ADGRL3: variants seen among roughly 807,000 people sequenced by gnomAD.
ADGRL3 encodes adhesion G protein-coupled receptor L3.
In ADGRL3, 62 loss-of-function variants were observed where a neutral mutation model predicts 153.5. The observed-to-expected ratio is 0.40, with a 90% CI of 0.33 to 0.50. The LOEUF (loss-of-function observed/expected upper bound fraction) is 0.50, where lower values mean the gene tolerates loss of function less well. Among genes scored for constraint, ADGRL3 ranks in the 20% least tolerant of loss-of-function variants. The probability of loss-of-function intolerance (pLI) is 0.47; values close to 1 mark genes in which losing one functional copy is unlikely to be tolerated. For synonymous variants in ADGRL3, 710 were observed against 672.5 expected (o/e 1.06, Z -0.86); for missense variants, 1,641 against 1,859.4 (o/e 0.88, Z 2.16).
At position 61,712,949 on chromosome 4, in the gene ADGRL3, T is replaced by A. The variant is rs896380244; in HGVS notation, c.584-17673T>A. On this transcript the variant is annotated intron_variant, in intron 6 of 26. Coordinates refer to ENST00000683033, the MANE Select transcript of ADGRL3 (RefSeq NM_001387552.1). The stretch of plus-strand genomic sequence containing the variant: ...ACTATTACATGCTTTCAAGACTGTA[T>A]GTCAGTCAAACATGGGGGTATGAGT... Among the ~76,000 whole-genome samples the A allele has an allele frequency of 2.6e-5, 4 of 152,340 alleles. No homozygotes were observed. In the Middle Eastern group the frequency reaches 0.01, roughly 389 times the overall value.
In ADGRL3 at chr4:62,070,390, G is replaced by A. The variant is rs1317200354; in HGVS notation, c.4114G>A (p.Glu1372Lys). The change falls in exon 27 of 27, where the codon GAA becomes AAA. Residue 1372 changes from glutamate to lysine, a missense_variant. This residue lies in a region of ADGRL3 where 517 missense variants were observed against 555.0 expected (regional missense o/e 0.93). Transcript: ENST00000683033. ...GGTGAATAACCTTGGCAGTGGAAGG[G>A]AAGATGATGCCATTGTCCTGGATGA... is the stretch of plus-strand genomic sequence containing the variant. ...KLVNNLGSGR[E>K]DDAIVLDDAT... The A allele has an allele frequency of 1.3e-6, 2 of 1,552,004 alleles. No individual in the cohort carries two copies. Among genetic ancestry groups the A allele is most frequent in the South Asian group, 2.4e-5 (2 of 84,036 alleles).
chr4:61,275,650 T>G (rs2093424678), intron 1 of ADGRL3, among the ~76,000 whole-genome samples: 1 of 152,182 alleles, frequency 6.6e-6, no homozygotes, highest in African/African-American at 2.4e-5. Context: ...CATGTTTCAG[T>G]TTGGCATAGA....
intron 1 of ADGRL3, among the ~76,000 whole-genome samples, chr4:61,220,821 A>G (rs1024506745): frequency 2.0e-5 from 3 of 152,228 alleles, no homozygotes; most frequent in South Asian, 2.1e-4. Context: ...TGAGATACAA[A>G]TGGAAGCCTG....
At chr4:61,585,347 C>T (rs943764101) in intron 4 of ADGRL3, among the ~76,000 whole-genome samples, 1 of 151,930 alleles carries the variant, frequency 6.6e-6, no homozygotes, top group Non-Finnish European at 1.5e-5. Context: ...CCACTCTCAA[C>T]TTTTAAATTA....
At chr4:61,421,077 G>T in intron 2 of ADGRL3, among the ~76,000 whole-genome samples, 1 of 152,076 alleles carries the variant, frequency 6.6e-6, no homozygotes, top group Non-Finnish European at 1.5e-5. Flanking sequence ...TTGGGAGGCC[G>T]AGGTGGGTGG....
chr4:61,566,490 A>G (rs72638507), intron 4 of ADGRL3, among the ~76,000 whole-genome samples: 4,701 of 152,284 alleles, frequency 0.031, 88 homozygotes, highest in Non-Finnish European at 0.046. Context: ...TGAATTTAAA[A>G]GAATGATCTG....
chr4:61,538,071 A>T (rs1435898387), intron 4 of ADGRL3, among the ~76,000 whole-genome samples: 1 of 152,082 alleles, frequency 6.6e-6, no homozygotes, highest in African/African-American at 2.4e-5. Context: ...TTTTACATGG[A>T]TTCCTTCTCA....
chr4:61,690,596 A>AAC (rs2095522916), intron 6 of ADGRL3, among the ~76,000 whole-genome samples: 1 of 152,114 alleles, frequency 6.6e-6, no homozygotes, highest in Admixed American at 6.6e-5. Flanking sequence ...ACTCTTAGAG[A>AAC]ACACATTTGA....
intron 2 of ADGRL3, among the ~76,000 whole-genome samples, chr4:61,418,770 G>A (rs1303230380): frequency 2.7e-5 from 4 of 150,590 alleles, no homozygotes; most frequent in Non-Finnish European, 5.9e-5. Flanking sequence ...ATGTGGCATG[G>A]TACTTAATAT....
chr4:61,834,110 C>G (rs547662586), intron 9 of ADGRL3, among the ~76,000 whole-genome samples: 1 of 146,868 alleles, frequency 6.8e-6, no homozygotes, highest in Non-Finnish European at 1.5e-5. Context: ...CCCCCTCCCC[C>G]CTTCCCCCAC....
chr4:61,998,387 A>G lies in ADGRL3; in HGVS notation c.3395+122A>G, dbSNP rs962459248. The G allele has an allele frequency of 1.9e-5, 9 of 463,116 alleles. 1 individual carries two copies. The South Asian group carries it at 3.1e-4, about 16-fold the overall frequency. 28.7% of individuals were successfully genotyped at this position (463,116 alleles called of 1,614,324 possible). On this transcript the variant is annotated intron_variant, in intron 21 of 26. Coordinates refer to ENST00000683033, the MANE Select transcript of ADGRL3 (RefSeq NM_001387552.1). Reference sequence around the variant, plus strand: ...AGAATATGGGTGTATTGTCTTTGCTAAATAAGATTATTGATTGACTATCAA... The same window carrying G: ...AGAATATGGGTGTATTGTCTTTGCTGAATAAGATTATTGATTGACTATCAA...
At chr4:61,913,436 A>G (rs2149860623) in intron 13 of ADGRL3, among the ~76,000 whole-genome samples, 1 of 152,260 alleles carries the variant, frequency 6.6e-6, no homozygotes, top group Non-Finnish European at 1.5e-5. Flanking sequence ...GAAACAAAGA[A>G]GGCAGGAGGA....
At position 61,733,416 on chromosome 4, in the gene ADGRL3, G is replaced by T; in HGVS notation, c.1261G>T (p.Val421Leu). 2 of 1,613,728 alleles carry T rather than the reference G, an allele frequency of 1.2e-6. No homozygotes were observed. Among genetic ancestry groups the T allele is most frequent in the Admixed American group, 1.7e-5 (1 of 59,910 alleles). ...CACTGACCAAAGCAAGGATAGTTTG[G>T]TGGATGTACCCTTTCCTAATTCATA... ...YNTDQSKDSL[V>L]DVPFPNSYQY... is the part of the protein sequence containing the mutation. Residue 421 changes from valine to leucine, a missense_variant, in exon 8 of 27, where the codon GTG (valine) becomes TTG (leucine). Val to Leu is a conservative substitution (Grantham distance 32). This residue lies in a region of ADGRL3 where 734 missense variants were observed against 797.0 expected (regional missense o/e 0.92). Coordinates refer to ENST00000683033, the MANE Select transcript of ADGRL3 (RefSeq NM_001387552.1).
At chr4:61,373,021 T>C (rs1435048773) in intron 1 of ADGRL3, among the ~76,000 whole-genome samples, 5 of 152,242 alleles carry the variant, frequency 3.3e-5, no homozygotes, top group East Asian at 1.9e-4. Flanking sequence ...CTTTCTTTGA[T>C]TAGGAAAGGG....
intron 3 of ADGRL3, among the ~76,000 whole-genome samples, chr4:61,501,521 C>T (rs114749427): frequency 0.015 from 2,274 of 152,228 alleles, 50 homozygotes; most frequent in African/African-American, 0.052. Flanking sequence ...TTTTTCTACT[C>T]AAACCTCAGT....
At chr4:61,805,234 G>A (rs888970777) in intron 8 of ADGRL3, among the ~76,000 whole-genome samples, 3 of 151,994 alleles carry the variant, frequency 2.0e-5, no homozygotes, top group Admixed American at 6.6e-5. Flanking sequence ...GAGCCACCGC[G>A]CCTGGCCTGT....
chr4:61,227,319 C>T (rs1188421767), intron 1 of ADGRL3, among the ~76,000 whole-genome samples: 1 of 152,104 alleles, frequency 6.6e-6, no homozygotes, highest in African/African-American at 2.4e-5. Context: ...AATTCTCCCA[C>T]CTCAGCTTCC....
At chr4:61,998,959 T>C (rs2099131268) in intron 21 of ADGRL3, among the ~76,000 whole-genome samples, 1 of 152,120 alleles carries the variant, frequency 6.6e-6, no homozygotes, top group Non-Finnish European at 1.5e-5. Context: ...GAGAGCCAGA[T>C]GATGGTACCT....
At chr4:61,827,504 G>A (rs2097821565) in intron 9 of ADGRL3, among the ~76,000 whole-genome samples, 1 of 152,124 alleles carries the variant, frequency 6.6e-6, no homozygotes, top group Admixed American at 6.6e-5. Flanking sequence ...AACCACAAAG[G>A]ACTTCAAGCA....
Sources: allele counts gnomAD v4.1 joint callset (sites outside exome capture counted in the v4.1 genomes callset), GRCh38; gene constraint gnomAD v4.1.1; regional missense constraint gnomAD v4.1.1; transcripts MANE v1.5; gene names NCBI Gene and HGNC (gene_info 2026-07-23, HGNC 2026-07-21).